The following TMEM123 variants were observed in gnomAD, a reference collection of about 807,000 sequenced individuals.
The protein encoded by TMEM123 is porimin.
A neutral mutation model predicts 19.7 loss-of-function variants in TMEM123; 16 were observed. That is an observed-to-expected ratio of 0.81 (90% confidence interval 0.55 to 1.23). TMEM123 has a LOEUF of 1.23. Ranked by LOEUF, TMEM123 falls within the 50% of genes most tolerant of loss-of-function variation. The probability of loss-of-function intolerance (pLI) is 0.00; values close to 1 mark genes in which losing one functional copy is unlikely to be tolerated. For synonymous variants in TMEM123, 118 were observed against 99.4 expected, an observed-to-expected ratio of 1.19 and a Z score of -1.12; for missense variants, 313 against 257.8, an observed-to-expected ratio of 1.21 and a Z score of -1.47.
chr11:102,404,325 C>A (rs1951936078), intron 2 of TMEM123, among the ~76,000 whole-genome samples: 1 of 152,158 alleles, frequency 6.6e-6, no homozygotes, highest in African/African-American at 2.4e-5. Flanking sequence ...ACTCTGTCAC[C>A]CAGGCTGGAG....
chr11:102,426,615 G>A (rs1443849991), intron 2 of TMEM123, among the ~76,000 whole-genome samples: 1 of 152,088 alleles, frequency 6.6e-6, no homozygotes, highest in African/African-American at 2.4e-5. Context: ...TGAGTGGAAA[G>A]TTATCTAAGA....
chr11:102,400,074 TTA>T (rs1951898131), intron 4 of TMEM123, among the ~76,000 whole-genome samples: 1 of 152,266 alleles, frequency 6.6e-6, no homozygotes, highest in Non-Finnish European at 1.5e-5. Flanking sequence ...TATTTAGAGC[TTA>T]TGTCAGTAAC....
Position 102,398,608 on chromosome 11 carries a change from GA to G in TMEM123, c.*258del. On this transcript the variant is annotated 3_prime_UTR_variant, in exon 5 of 5. Transcript: ENST00000398136. ...CCCCCACCCCAGCCAAAAAAAAAAA[GA>G]TAGGACTTGTTTGTCTTACTATGAA... 1 of 494,586 alleles carries G rather than the reference GA, an allele frequency of 2.0e-6. No individual in the cohort carries two copies. The highest frequency in any genetic ancestry group is 3.7e-5 in the South Asian group (1 of 27,118). The allele number at this position is 494,586 out of a possible 1,614,324, so 30.6% of individuals were successfully genotyped here.
chr11:102,429,686 A>G (rs183418068), intron 2 of TMEM123, among the ~76,000 whole-genome samples: 22 of 152,356 alleles, frequency 1.4e-4, no homozygotes, highest in Admixed American at 1.4e-3. Context: ...TCTACCAAGC[A>G]AATGTTTGAC....
At chr11:102,445,197 C>A (rs13377312) in intron 2 of TMEM123, among the ~76,000 whole-genome samples, 19 of 152,180 alleles carry the variant, frequency 1.2e-4, no homozygotes, top group Admixed American at 9.8e-4. Flanking sequence ...TTTTCAGACG[C>A]AATCTCAAAA....
intron 2 of TMEM123, among the ~76,000 whole-genome samples, chr11:102,432,473 G>C (rs1179682076): frequency 6.6e-6 from 1 of 152,220 alleles, no homozygotes; most frequent in East Asian, 1.9e-4. Flanking sequence ...TAGAACTCGA[G>C]AGACACGATT....
At chr11:102,429,245 A>T (rs1952155378) in intron 2 of TMEM123, among the ~76,000 whole-genome samples, 1 of 152,080 alleles carries the variant, frequency 6.6e-6, no homozygotes. Context: ...TGTTTATCTA[A>T]GTTAGTTATA....
rs1323321528 is a variant in TMEM123, at chr11:102,397,543, C to T, written c.*1324G>A. On this transcript the variant is annotated 3_prime_UTR_variant, in exon 5 of 5. Transcript: ENST00000398136. ...ATATTGGTGTCTCTACAATACTGTG[C>T]TTTTTCTCTCCATTAACATAATGCA... The T allele has an allele frequency of 6.6e-6, 1 of 152,154 alleles. No individual in the cohort carries two copies. The highest frequency in any genetic ancestry group is 1.5e-5 in the Non-Finnish European group (1 of 68,012). The allele number at this position is 152,154 out of a possible 1,614,324, so 9.4% of individuals were successfully genotyped here.
intron 2 of TMEM123, among the ~76,000 whole-genome samples, chr11:102,428,543 G>T (rs1339153644): frequency 1.3e-5 from 2 of 151,214 alleles, no homozygotes; most frequent in Non-Finnish European, 2.9e-5. Context: ...CTGACCCCAG[G>T]TGATCCACCC....
chr11:102,410,935 T>C (rs1424995802), intron 2 of TMEM123, among the ~76,000 whole-genome samples: 1 of 152,198 alleles, frequency 6.6e-6, no homozygotes, highest in African/African-American at 2.4e-5. Context: ...TTATTATTAT[T>C]TTAAAAATTA....
intron 2 of TMEM123, among the ~76,000 whole-genome samples, chr11:102,442,299 A>G (rs1342962225): frequency 6.6e-6 from 1 of 152,220 alleles, no homozygotes; most frequent in African/African-American, 2.4e-5. Flanking sequence ...AATCCTCAGT[A>G]AAATACTGGC....
chr11:102,410,217 T>C (rs910928816), intron 2 of TMEM123, among the ~76,000 whole-genome samples: 1 of 152,174 alleles, frequency 6.6e-6, no homozygotes, highest in African/African-American at 2.4e-5. Flanking sequence ...AAAGTGATAA[T>C]GACCTGTCTT....
chr11:102,433,092 G>A (rs1007273347), intron 2 of TMEM123, among the ~76,000 whole-genome samples: 2 of 152,132 alleles, frequency 1.3e-5, no homozygotes, highest in East Asian at 1.9e-4. Context: ...TGGGGCTGGA[G>A]CCCTCACACA....
At chr11:102,425,517 C>G (rs1952118604) in intron 2 of TMEM123, among the ~76,000 whole-genome samples, 1 of 150,748 alleles carries the variant, frequency 6.6e-6, no homozygotes, top group Non-Finnish European at 1.5e-5. Flanking sequence ...TCTATCAATG[C>G]CACATCCACT....
Position 102,426,061 on chromosome 11 carries a change from C to A in TMEM123, c.157+22751G>T, listed in dbSNP as rs188847220. ...TCATGTCTCTGTAGCTCCCCCAGTA[C>A]CTGGCACAGTGCCCAACACATAGAA... On this transcript the variant is annotated intron_variant, in intron 2 of 4. Coordinates refer to ENST00000398136, the MANE Select transcript of TMEM123 (RefSeq NM_052932.3). Among the ~76,000 whole-genome samples the A allele has an allele frequency of 8.5e-5, 13 of 152,326 alleles. No individual in the cohort carries two copies. In the East Asian group the frequency reaches 2.5e-3, roughly 29 times the overall value.
intron 2 of TMEM123, among the ~76,000 whole-genome samples, chr11:102,441,408 T>TC (rs1440515877): frequency 6.6e-6 from 1 of 152,172 alleles, no homozygotes; most frequent in African/African-American, 2.4e-5. Flanking sequence ...ACCGCTCAAC[T>TC]ACATGGAAAC....
intron 2 of TMEM123, among the ~76,000 whole-genome samples, chr11:102,417,415 C>A (rs1952051215): frequency 6.6e-6 from 1 of 152,044 alleles, no homozygotes; most frequent in South Asian, 2.1e-4. Flanking sequence ...CCTTCCCCCA[C>A]CACAAACATA....
chr11:102,435,450 G>A (rs1386466763), intron 2 of TMEM123, among the ~76,000 whole-genome samples: 1 of 151,922 alleles, frequency 6.6e-6, no homozygotes, highest in East Asian at 1.9e-4. Flanking sequence ...GGACTGGTGA[G>A]GATATGAAGA....
At chr11:102,401,808 C>G (rs1951915598) in intron 3 of TMEM123, 108 bp downstream of exon 3, 4 of 1,494,148 alleles carry the variant, frequency 2.7e-6, no homozygotes. Flanking sequence ...TAAGGGAAAT[C>G]TAGGCATATA....
Sources: allele counts gnomAD v4.1 joint callset (sites outside exome capture counted in the v4.1 genomes callset), GRCh38; gene constraint gnomAD v4.1.1; transcripts MANE v1.5; gene names NCBI Gene and HGNC (gene_info 2026-07-23, HGNC 2026-07-21).